The following AGMO variants were observed in gnomAD, a reference collection of about 807,000 sequenced individuals.
AGMO encodes the protein alkylglycerol monooxygenase.
A neutral mutation model predicts 60.2 loss-of-function variants in AGMO; 75 were observed. The observed-to-expected ratio is 1.25, with a 90% CI of 1.03 to 1.51. The LOEUF (loss-of-function observed/expected upper bound fraction) is 1.51. Ranked by LOEUF, AGMO falls within the 40% of genes most tolerant of loss-of-function variation. AGMO has a pLI of 0.00. For missense variants in AGMO, 763 were observed against 525.5 expected (o/e 1.45, Z -4.42); for synonymous variants, 261 against 177.1 (o/e 1.47, Z -3.76).
At chr7:15,514,131 C>T (rs970501427) in intron 3 of AGMO, among the ~76,000 whole-genome samples, 1 of 152,146 alleles carries the variant, frequency 6.6e-6, no homozygotes, top group African/African-American at 2.4e-5. Context: ...TCCTCATTGA[C>T]ATTTCCACTT....
chr7:15,501,909 T>C (rs1330193841), intron 3 of AGMO, among the ~76,000 whole-genome samples: 1 of 152,062 alleles, frequency 6.6e-6, no homozygotes, highest in African/African-American at 2.4e-5. Flanking sequence ...TAGTTAATTC[T>C]ATATTTAGTT....
the AGMO span, among the ~76,000 whole-genome samples, chr7:15,167,545 C>T: frequency 6.6e-6 from 1 of 152,274 alleles, no homozygotes; most frequent in South Asian, 2.1e-4. Flanking sequence ...AAAAAAATAT[C>T]ACGGAACATT....
chr7:15,217,371 GTCTC>G (rs201751915), intron 12 of AGMO, among the ~76,000 whole-genome samples: 7 of 148,582 alleles, frequency 4.7e-5, no homozygotes, highest in Admixed American at 3.4e-4. Flanking sequence ...CTCTGTGTGT[GTCTC>G]TCTCTCTCAC....
intron 12 of AGMO, among the ~76,000 whole-genome samples, chr7:15,280,290 T>C (rs1423410957): frequency 6.6e-6 from 1 of 152,072 alleles, no homozygotes; most frequent in African/African-American, 2.4e-5. Flanking sequence ...CCTTGCCAAA[T>C]GCATGGAAGC....
the AGMO span, among the ~76,000 whole-genome samples, chr7:15,185,457 G>T: frequency 1.4e-3 from 212 of 152,208 alleles, 1 homozygote; most frequent in African/African-American, 4.8e-3. Context: ...AATGAATGAG[G>T]TCTAAAATCC....
intron 12 of AGMO, among the ~76,000 whole-genome samples, chr7:15,314,554 A>C (rs921686487): frequency 6.6e-6 from 1 of 152,160 alleles, no homozygotes. Context: ...CATTTAGGTT[A>C]ATCTGAAGTT....
At chr7:15,243,158 C>G (rs1365022770) in intron 12 of AGMO, among the ~76,000 whole-genome samples, 1 of 152,010 alleles carries the variant, frequency 6.6e-6, no homozygotes, top group East Asian at 1.9e-4. Context: ...GGTCAGTTCT[C>G]AAGGGATTGC....
chr7:15,180,590 C>T, the AGMO span, among the ~76,000 whole-genome samples: 1 of 151,654 alleles, frequency 6.6e-6, no homozygotes, highest in Non-Finnish European at 1.5e-5. Context: ...ACTTTCCCTA[C>T]TCTGCTCTTC....
At chr7:15,375,917 G>C (rs1209092081) in intron 10 of AGMO, among the ~76,000 whole-genome samples, 1 of 152,072 alleles carries the variant, frequency 6.6e-6, no homozygotes, top group Non-Finnish European at 1.5e-5. Flanking sequence ...CACTTATAGT[G>C]ATATGAAGAT....
intron 3 of AGMO, among the ~76,000 whole-genome samples, chr7:15,464,246 C>T (rs1439024877): frequency 6.6e-6 from 1 of 152,168 alleles, no homozygotes; most frequent in African/African-American, 2.4e-5. Context: ...GCTTTTAGCT[C>T]ATCTCTCCAT....
intron 12 of AGMO, among the ~76,000 whole-genome samples, chr7:15,203,105 C>T (rs2115466748): frequency 6.6e-6 from 1 of 152,196 alleles, no homozygotes; most frequent in South Asian, 2.1e-4. Context: ...GATGATCTCC[C>T]TGAGGGAAGG....
At chr7:15,172,470 C>T in the AGMO span, among the ~76,000 whole-genome samples, 2 of 152,158 alleles carry the variant, frequency 1.3e-5, no homozygotes, top group Admixed American at 1.3e-4. Flanking sequence ...AAGAGTGAGG[C>T]AGATTCAGTA....
chr7:15,439,771 T>C lies in AGMO; in HGVS notation c.410-8663A>G, dbSNP rs80336349. Among the ~76,000 whole-genome samples, 1,452 of 152,310 alleles carry C rather than the reference T, an allele frequency of 9.5e-3. 26 individuals carry two copies. Among genetic ancestry groups the C allele is most frequent in the African/African-American group, 0.034 (1,418 of 41,568 alleles). ...ATATTAGTTATGTATGATTTTATTTTTCCCTTTACTACCTACAAATACAAA... is the reference window on the plus strand; with the variant it reads ...ATATTAGTTATGTATGATTTTATTTCTCCCTTTACTACCTACAAATACAAA... On this transcript the variant is annotated intron_variant, in intron 3 of 12. Transcript: ENST00000342526.
chr7:15,343,172 A>G (rs1781920019), intron 12 of AGMO, among the ~76,000 whole-genome samples: 2 of 152,166 alleles, frequency 1.3e-5, no homozygotes, highest in African/African-American at 4.8e-5. Flanking sequence ...TGGTGTGATA[A>G]CATATCTCCC....
At position 15,439,268 on chromosome 7, in the gene AGMO, A is replaced by T. The variant is rs571243569; in HGVS notation, c.410-8160T>A. On this transcript the variant is annotated intron_variant, in intron 3 of 12. Transcript: ENST00000342526. ...AAAAATTAGCAGGGCGTGGTGGTGC[A>T]CACCTGTAGTCCCAGCTACTAGGGA... is the stretch of plus-strand genomic sequence containing the variant. Among the ~76,000 whole-genome samples, 43 of 152,218 alleles carry T rather than the reference A, an allele frequency of 2.8e-4. No homozygotes were observed. The South Asian group carries it at 7.7e-3, about 27-fold the overall frequency.
At chr7:15,141,446 G>C in the AGMO span, among the ~76,000 whole-genome samples, 1 of 152,066 alleles carries the variant, frequency 6.6e-6, no homozygotes, top group Non-Finnish European at 1.5e-5. Context: ...AGCCGAGTGT[G>C]GTGGCGGGCG....
intron 3 of AGMO, among the ~76,000 whole-genome samples, chr7:15,433,041 CTT>C (rs764435686): frequency 1.3e-5 from 2 of 152,046 alleles, no homozygotes; most frequent in Non-Finnish European, 2.9e-5. Flanking sequence ...CATTTTATAA[CTT>C]ATGATTTTAT....
intron 10 of AGMO, among the ~76,000 whole-genome samples, chr7:15,370,601 T>C (rs1261611064): frequency 6.6e-6 from 1 of 152,202 alleles, no homozygotes; most frequent in East Asian, 1.9e-4. Context: ...TGTGAAACAG[T>C]ATCTCATTGT....
intron 6 of AGMO, among the ~76,000 whole-genome samples, chr7:15,392,297 A>AT (rs1784175601): frequency 7.1e-6 from 1 of 140,868 alleles, no homozygotes; most frequent in South Asian, 2.2e-4. Context: ...ATGGTGTCTT[A>AT]TCTCCTGACC....
Sources: gnomAD v4.1 joint callset for allele counts (sites outside exome capture counted in the v4.1 genomes callset) on GRCh38, gnomAD v4.1.1 for gene constraint, MANE v1.5 for transcripts, NCBI Gene and HGNC (gene_info 2026-07-23, HGNC 2026-07-21) for gene names.